Variants in MSH3 observed in about 807,000 individuals in gnomAD.
The protein encoded by MSH3 is mutS homolog 3, also known as DNA mismatch repair protein Msh3.
MSH3 carries 106 observed loss-of-function variants against 123.3 expected under a neutral mutation model. The observed-to-expected ratio is 0.86, with a 90% CI of 0.73 to 1.01. MSH3 has a LOEUF of 1.01. Ranked by LOEUF, MSH3 falls within the 50% of genes least tolerant of loss-of-function variation. The pLI, the probability that MSH3 is intolerant of heterozygous loss-of-function variation, is 0.00. For synonymous variants in MSH3, 515 were observed against 481.4 expected (o/e 1.07, Z -0.91); for missense variants, 1,459 against 1,347.6 (o/e 1.08, Z -1.29).
At chr5:80,837,712 A>C (rs951756428) in intron 20 of MSH3, among the ~76,000 whole-genome samples, 9 of 152,228 alleles carry the variant, frequency 5.9e-5, no homozygotes, top group African/African-American at 1.4e-4. Context: ...CTGTGTAACC[A>C]ACTATCACAA....
At chr5:80,850,937 C>T (rs1348932390) in intron 20 of MSH3, among the ~76,000 whole-genome samples, 1 of 152,110 alleles carries the variant, frequency 6.6e-6, no homozygotes, top group African/African-American at 2.4e-5. Context: ...TTTCCAGTAG[C>T]TCAATAGGTC....
At chr5:80,772,123 A>G (rs1744223499) in intron 15 of MSH3, among the ~76,000 whole-genome samples, 1 of 152,154 alleles carries the variant, frequency 6.6e-6, no homozygotes, top group South Asian at 2.1e-4. Context: ...TGGAATGGAA[A>G]TGGGGCAATG....
chr5:80,680,276 A>G (rs936028283), intron 8 of MSH3, among the ~76,000 whole-genome samples: 1 of 152,056 alleles, frequency 6.6e-6, no homozygotes, highest in Non-Finnish European at 1.5e-5. Context: ...AAAAAAAAGA[A>G]AATCAAACTG....
At chr5:80,696,433 C>G (rs1301485810) in intron 8 of MSH3, among the ~76,000 whole-genome samples, 3 of 152,156 alleles carry the variant, frequency 2.0e-5, no homozygotes, top group Admixed American at 6.5e-5. Context: ...TAAAAGTTTT[C>G]TGTCTTGCTA....
intron 16 of MSH3, among the ~76,000 whole-genome samples, chr5:80,776,808 T>C (rs1012042633): frequency 6.6e-6 from 1 of 150,568 alleles, no homozygotes; most frequent in Non-Finnish European, 1.5e-5. Flanking sequence ...GTACAGACAT[T>C]CTGTTTTAAG....
intron 2 of MSH3, among the ~76,000 whole-genome samples, chr5:80,661,887 C>T (rs757891476): frequency 6.6e-6 from 1 of 152,116 alleles, no homozygotes; most frequent in Non-Finnish European, 1.5e-5. Flanking sequence ...AATAATAGCC[C>T]TTACTCTAGA....
intron 2 of MSH3, among the ~76,000 whole-genome samples, chr5:80,659,287 A>G (rs944577252): frequency 7.2e-5 from 11 of 152,032 alleles, no homozygotes; most frequent in Admixed American, 1.3e-4. Flanking sequence ...TTTAGCATGC[A>G]CAATTCGGTG....
chr5:80,767,845 AATTCTG>A (rs1025212026), intron 13 of MSH3, 82 bp from the exon 14 acceptor site: 13 of 1,022,458 alleles, frequency 1.3e-5, no homozygotes, highest in Admixed American at 4.2e-5. Context: ...AACTTTCCTC[AATTCTG>A]ATTCTAACTT....
At chr5:80,746,587 C>T (rs1286853024) in intron 12 of MSH3, 1 of 384,118 alleles carries the variant, frequency 2.6e-6, no homozygotes, top group African/African-American at 2.1e-5. Flanking sequence ...CTCCTCTGTT[C>T]GTTTTCTTTG....
At chr5:80,785,402 A>G (rs1048159997) in intron 17 of MSH3, among the ~76,000 whole-genome samples, 10 of 152,166 alleles carry the variant, frequency 6.6e-5, no homozygotes, top group African/African-American at 1.2e-4. Context: ...CAAAACCACA[A>G]TGAGATACCA....
chr5:80,750,652 G>C (rs1743817126), intron 12 of MSH3, among the ~76,000 whole-genome samples: 1 of 152,100 alleles, frequency 6.6e-6, no homozygotes, highest in Admixed American at 6.6e-5. Context: ...TTGATTTGCA[G>C]ATATTTTCTC....
intron 19 of MSH3, among the ~76,000 whole-genome samples, chr5:80,796,030 G>C (rs553271729): frequency 6.7e-6 from 1 of 148,808 alleles, no homozygotes; most frequent in African/African-American, 2.5e-5. Flanking sequence ...TTTTTTTTCA[G>C]TTCTCATAAT....
At chr5:80,852,842 A>G (rs1745851631) in intron 20 of MSH3, among the ~76,000 whole-genome samples, 1 of 152,202 alleles carries the variant, frequency 6.6e-6, no homozygotes, top group African/African-American at 2.4e-5. Context: ...AAGGTACATT[A>G]TGGTGCTGTA....
At chr5:80,748,092 C>T (rs780830055) in intron 12 of MSH3, among the ~76,000 whole-genome samples, 3 of 152,140 alleles carry the variant, frequency 2.0e-5, no homozygotes, top group Non-Finnish European at 4.4e-5. Flanking sequence ...ACAGTGAGAT[C>T]GTAGAACAAA....
chr5:80,818,564 A>G (rs910356215), intron 20 of MSH3, among the ~76,000 whole-genome samples: 5 of 152,140 alleles, frequency 3.3e-5, no homozygotes, highest in African/African-American at 4.8e-5. Flanking sequence ...ACATTTAAAA[A>G]TTTTTGAGCA....
chr5:80,851,254 A>G (rs1351532244), intron 20 of MSH3, among the ~76,000 whole-genome samples: 1 of 152,160 alleles, frequency 6.6e-6, no homozygotes, highest in Non-Finnish European at 1.5e-5. Context: ...AAAGATTTCT[A>G]ATAGACATTG....
chr5:80,813,786 A>G (rs201008607), intron 20 of MSH3, 45 bp downstream of exon 20: 1 of 1,599,518 alleles, frequency 6.3e-7, no homozygotes, highest in African/African-American at 1.3e-5. Flanking sequence ...AAAATAAGTC[A>G]AGCCCACATT....
intron 13 of MSH3, among the ~76,000 whole-genome samples, chr5:80,762,927 A>G (rs894624457): frequency 2.0e-5 from 3 of 150,868 alleles, no homozygotes; most frequent in African/African-American, 7.3e-5. Context: ...GCTCACTGCA[A>G]CCTCTACCTC....
rs10054031 is a variant in MSH3, at chr5:80,858,797, G to A, written c.3000+4481G>A. Among the ~76,000 whole-genome samples the A allele has an allele frequency of 7.8e-3, 1,181 of 152,154 alleles. 17 individuals are homozygous for A. The highest frequency in any genetic ancestry group is 0.027 in the African/African-American group (1,141 of 41,520). On this transcript the variant is annotated intron_variant, in intron 21 of 23. Coordinates refer to ENST00000265081, the MANE Select transcript of MSH3 (RefSeq NM_002439.5). ...GCTGGATCTGTCTGTTTCAGATGGAGGAATTTTGATATCTCTAACTATAGT... is the reference window on the plus strand; with the variant it reads ...GCTGGATCTGTCTGTTTCAGATGGAAGAATTTTGATATCTCTAACTATAGT...
Sources: gnomAD v4.1 joint callset for allele counts (sites outside exome capture counted in the v4.1 genomes callset) on GRCh38, gnomAD v4.1.1 for gene constraint, MANE v1.5 for transcripts, NCBI Gene and HGNC (gene_info 2026-07-23, HGNC 2026-07-21) for gene names.